IMPG2: variants seen among roughly 807,000 people sequenced by gnomAD.
IMPG2 encodes interphotoreceptor matrix proteoglycan 2.
Under a neutral mutation model 129.2 loss-of-function variants are expected in IMPG2, and 91 were observed. The ratio of observed to expected loss-of-function variants is 0.70; its 90% confidence interval spans 0.59 to 0.84. The LOEUF (loss-of-function observed/expected upper bound fraction) is 0.84, where lower values mean the gene tolerates loss of function less well. Ranked by LOEUF, IMPG2 falls within the 40% of genes least tolerant of loss-of-function variation. The pLI, the probability that IMPG2 is intolerant of heterozygous loss-of-function variation, is 0.00. For synonymous variants in IMPG2, 510 were observed against 517.7 expected (o/e 0.99, Z 0.20); for missense variants, 1,430 against 1,461.7 (o/e 0.98, Z 0.35).
chr3:101,273,083 C>T (rs749802569), intron 7 of IMPG2, among the ~76,000 whole-genome samples: 50 of 152,106 alleles, frequency 3.3e-4, no homozygotes, highest in Non-Finnish European at 4.9e-4. Flanking sequence ...TTAAAAATAC[C>T]TCCAACCAAG....
chr3:101,234,541 C>G (rs1706325684), intron 14 of IMPG2, among the ~76,000 whole-genome samples: 1 of 152,188 alleles, frequency 6.6e-6, no homozygotes, highest in African/African-American at 2.4e-5. Context: ...AAGATGCTCA[C>G]ATAACAGGAA....
In IMPG2 at chr3:101,225,640, A is replaced by G. The variant is rs1036911504; in HGVS notation, c.*1329T>C. 1 of 152,220 alleles carries G rather than the reference A, an allele frequency of 6.6e-6. No individual in the cohort carries two copies. The highest frequency in any genetic ancestry group is 2.4e-5 in the African/African-American group (1 of 41,460). 9.4% of individuals were successfully genotyped at this position (152,220 alleles called of 1,614,324 possible). ...TATGGTCAGTTTATACTGGTTATTT[A>G]TATCTGGTCAGAAATAAATCAAAAT... On this transcript the variant is annotated 3_prime_UTR_variant, in exon 19 of 19. Transcript: ENST00000193391.
chr3:101,292,641 G>C (rs1363224931), intron 3 of IMPG2, among the ~76,000 whole-genome samples: 1 of 152,102 alleles, frequency 6.6e-6, no homozygotes, highest in Non-Finnish European at 1.5e-5. Flanking sequence ...ATAAAAATAA[G>C]ACAACAATGA....
At chr3:101,295,046 GA>G (rs1262220071) in intron 3 of IMPG2, among the ~76,000 whole-genome samples, 2 of 152,258 alleles carry the variant, frequency 1.3e-5, no homozygotes, top group African/African-American at 2.4e-5. Context: ...ACACTCTAAT[GA>G]GAGTTTCTTT....
At chr3:101,293,677 T>C (rs1000862852) in intron 3 of IMPG2, among the ~76,000 whole-genome samples, 5 of 152,236 alleles carry the variant, frequency 3.3e-5, no homozygotes, top group African/African-American at 1.2e-4. Context: ...CTAGATGGCA[T>C]CTTTGTCCAA....
chr3:101,295,809 T>A (rs1707073650), intron 3 of IMPG2, among the ~76,000 whole-genome samples: 1 of 152,220 alleles, frequency 6.6e-6, no homozygotes, highest in South Asian at 2.1e-4. Flanking sequence ...CTAGGTATTT[T>A]ATTCTTTTTG....
chr3:101,267,047 G>A (rs1706727959), intron 9 of IMPG2, among the ~76,000 whole-genome samples: 1 of 152,104 alleles, frequency 6.6e-6, no homozygotes, highest in African/African-American at 2.4e-5. Flanking sequence ...ATGGACTGGA[G>A]GACATTTTGT....
intron 16 of IMPG2, 44 bp from the exon 17 acceptor site, chr3:101,229,634 C>T: frequency 6.5e-7 from 1 of 1,532,786 alleles, no homozygotes; most frequent in Non-Finnish European, 9.0e-7. Flanking sequence ...TTTGGATGCT[C>T]AACTATGTGG....
intron 9 of IMPG2, among the ~76,000 whole-genome samples, chr3:101,262,077 T>G (rs1706677028): frequency 6.6e-6 from 1 of 152,128 alleles, no homozygotes; most frequent in African/African-American, 2.4e-5. Flanking sequence ...GACTGTTTGA[T>G]GCATATATTT....
chr3:101,236,666 C>A (rs891397049), intron 14 of IMPG2, among the ~76,000 whole-genome samples: 2 of 152,152 alleles, frequency 1.3e-5, no homozygotes, highest in Admixed American at 1.3e-4. Context: ...GTGCATTCAG[C>A]CCAGATATTA....
chr3:101,305,494 T>C (rs1707180132), intron 2 of IMPG2, among the ~76,000 whole-genome samples: 1 of 152,150 alleles, frequency 6.6e-6, no homozygotes, highest in Non-Finnish European at 1.5e-5. Context: ...CAGTTAAGAA[T>C]AATGTGTCAA....
intron 4 of IMPG2, among the ~76,000 whole-genome samples, chr3:101,286,407 T>G (rs1458112403): frequency 6.6e-6 from 1 of 152,128 alleles, no homozygotes; most frequent in Non-Finnish European, 1.5e-5. Context: ...TGAAATGGCA[T>G]GCTTCAATAT....
intron 17 of IMPG2, 22 bp downstream of exon 17, chr3:101,229,358 A>G: frequency 6.6e-7 from 1 of 1,520,560 alleles, no homozygotes; most frequent in Non-Finnish European, 8.9e-7. Flanking sequence ...TGCGACAGCA[A>G]CATAAATGCA....
intron 7 of IMPG2, among the ~76,000 whole-genome samples, chr3:101,271,950 T>C (rs1356507650): frequency 6.6e-6 from 1 of 152,090 alleles, no homozygotes; most frequent in East Asian, 1.9e-4. Flanking sequence ...CTGTGGAGCA[T>C]AAGGAACTAT....
intron 4 of IMPG2, among the ~76,000 whole-genome samples, chr3:101,288,590 TAATGTA>T (rs1706971581): frequency 6.6e-6 from 1 of 152,154 alleles, no homozygotes; most frequent in Non-Finnish European, 1.5e-5. Flanking sequence ...CTAAGTGAAT[TAATGTA>T]GGAACAGAAA....
Position 101,222,826 on chromosome 3 carries a change from T to C in IMPG2, c.*4143A>G, listed in dbSNP as rs938158679. 14 of 152,212 alleles carry C rather than the reference T, an allele frequency of 9.2e-5. No homozygotes were observed. The highest frequency in any genetic ancestry group is 1.3e-4 in the Admixed American group (2 of 15,282). 9.4% of individuals were successfully genotyped at this position (152,212 alleles called of 1,614,324 possible). On this transcript the variant is annotated 3_prime_UTR_variant, in exon 19 of 19. Coordinates refer to ENST00000193391, the MANE Select transcript of IMPG2 (RefSeq NM_016247.4). Reference sequence around the variant, plus strand: ...ACACTATTGCTTAAGTATCATCACATAGTCCTGATATATGAAAAATTATAC... The same window carrying C: ...ACACTATTGCTTAAGTATCATCACACAGTCCTGATATATGAAAAATTATAC...
At chr3:101,292,305 T>C (rs901387626) in intron 3 of IMPG2, among the ~76,000 whole-genome samples, 3 of 152,232 alleles carry the variant, frequency 2.0e-5, no homozygotes, top group Non-Finnish European at 4.4e-5. Flanking sequence ...ATACCTCTGA[T>C]ATATTACAGG....
Position 101,227,961 on chromosome 3 carries a change from G to GA in IMPG2, c.3713+835dup, listed in dbSNP as rs1479351320. 1.3e-4 allele frequency: 53 copies of GA among 406,832 alleles called. No individual in the cohort carries two copies. The East Asian group carries it at 3.8e-3, about 29-fold the overall frequency. 25.2% of individuals were successfully genotyped at this position (406,832 alleles called of 1,614,324 possible). A position where few individuals can be genotyped will look rare whatever the true frequency, so the allele number is the denominator to read the frequency against. ...ATTAATTTCTCTTATAAGCATGCATGAATTGCTCTGATTTTTCTCTTCTAA... is the reference window on the plus strand; with the variant it reads ...ATTAATTTCTCTTATAAGCATGCATGAAATTGCTCTGATTTTTCTCTTCTAA... On this transcript the variant is annotated intron_variant, in intron 18 of 18. Transcript: ENST00000193391.
intron 14 of IMPG2, among the ~76,000 whole-genome samples, chr3:101,236,987 C>T (rs1368847660): frequency 6.6e-6 from 1 of 152,164 alleles, no homozygotes; most frequent in Non-Finnish European, 1.5e-5. Context: ...TTGCTGCCAG[C>T]ACAGCAGCCT....
Sources: gnomAD v4.1 joint callset for allele counts (sites outside exome capture counted in the v4.1 genomes callset) on GRCh38, gnomAD v4.1.1 for gene constraint, MANE v1.5 for transcripts, NCBI Gene and HGNC (gene_info 2026-07-23, HGNC 2026-07-21) for gene names.